PCNX2: variants seen among roughly 807,000 people sequenced by gnomAD.
PCNX2 encodes the protein pecanex-like protein 2.
PCNX2 carries 168 observed loss-of-function variants against 223.8 expected under a neutral mutation model. That is an observed-to-expected ratio of 0.75 (90% CI 0.66 to 0.85). The LOEUF is 0.85. PCNX2 is among the 40% of genes least tolerant of loss of function. PCNX2 has a pLI of 0.00. For synonymous variants in PCNX2, 1,006 were observed against 1,052.6 expected (o/e 0.96, Z 0.86); for missense variants, 2,507 against 2,675.5 (o/e 0.94, Z 1.39).
intron 20 of PCNX2, among the ~76,000 whole-genome samples, chr1:233,136,625 C>T (rs1162524637): frequency 4.6e-5 from 7 of 152,110 alleles, no homozygotes; most frequent in South Asian, 2.1e-4. Context: ...ACCTAGAGCC[C>T]CCTGTGTTCC....
chr1:233,308,182 C>T, the PCNX2 span, among the ~76,000 whole-genome samples: 3 of 152,210 alleles, frequency 2.0e-5, no homozygotes, highest in East Asian at 1.9e-4. Flanking sequence ...AGAAGCTGGG[C>T]GTAGTGGCTC....
At chr1:233,164,838 A>G (rs933687707) in intron 17 of PCNX2, among the ~76,000 whole-genome samples, 8 of 152,090 alleles carry the variant, frequency 5.3e-5, no homozygotes, top group African/African-American at 1.7e-4. Flanking sequence ...CCAATCTCAT[A>G]GAAGTACAGA....
intron 19 of PCNX2, among the ~76,000 whole-genome samples, chr1:233,155,037 C>T (rs1328816100): frequency 6.9e-6 from 1 of 145,100 alleles, no homozygotes; most frequent in African/African-American, 2.6e-5. Flanking sequence ...CACTGCATTC[C>T]AGCCTGGGCA....
chr1:233,147,894 T>C (rs906411974), intron 19 of PCNX2, among the ~76,000 whole-genome samples: 1 of 152,192 alleles, frequency 6.6e-6, no homozygotes, highest in Admixed American at 6.5e-5. Flanking sequence ...CGTTGGACTT[T>C]TGAAGGGAAA....
chr1:233,140,831 G>A (rs543570937), intron 19 of PCNX2, among the ~76,000 whole-genome samples: 10 of 152,282 alleles, frequency 6.6e-5, no homozygotes, highest in African/African-American at 2.4e-4. Context: ...TTCAGGCCCA[G>A]GGCCCTCGGC....
intron 25 of PCNX2, chr1:233,031,968 C>G (rs1671283731): frequency 1.0e-6 from 1 of 985,236 alleles, no homozygotes; most frequent in Non-Finnish European, 1.2e-6. Flanking sequence ...GATTGCAAAC[C>G]CTAGGCTCCA....
In PCNX2 at chr1:233,082,124, C is replaced by G. The variant is rs570388188; in HGVS notation, c.4076+7937G>C. Among the ~76,000 whole-genome samples the G allele has an allele frequency of 5.3e-5, 8 of 152,210 alleles. No individual in the cohort carries two copies. In the East Asian group the frequency reaches 1.5e-3, roughly 29 times the overall value. ...CTCAGCTGCTCACTTGTTCTGTGAC[C>G]TTGGGCAAGTTCTTTAACTTCCTTG... On this transcript the variant is annotated intron_variant, in intron 23 of 33. Transcript: ENST00000258229.
At chr1:233,216,200 C>T (rs994602156) in intron 12 of PCNX2, among the ~76,000 whole-genome samples, 1 of 152,272 alleles carries the variant, frequency 6.6e-6, no homozygotes, top group East Asian at 1.9e-4. Context: ...GCATGTGGCT[C>T]AGATGCCTGC....
At chr1:233,146,546 A>ACATCAACAGT (rs1677459664) in intron 19 of PCNX2, among the ~76,000 whole-genome samples, 4 of 152,228 alleles carry the variant, frequency 2.6e-5, no homozygotes, top group Non-Finnish European at 5.9e-5. Context: ...CAACAGTGTC[A>ACATCAACAGT]GATTGAGGCC....
At chr1:233,194,494 T>C (rs1680606227) in intron 15 of PCNX2, among the ~76,000 whole-genome samples, 1 of 152,116 alleles carries the variant, frequency 6.6e-6, no homozygotes, top group Admixed American at 6.6e-5. Context: ...GTAAAGGAAA[T>C]ATAATTTTAA....
chr1:233,115,830 A>C (rs1015329290), intron 21 of PCNX2, among the ~76,000 whole-genome samples: 2 of 152,258 alleles, frequency 1.3e-5, no homozygotes, highest in Non-Finnish European at 2.9e-5. Flanking sequence ...TGATTACATT[A>C]AATGAAATGG....
chr1:233,153,106 TAGC>T lies in PCNX2; in HGVS notation c.3517+7174_3517+7176del, dbSNP rs1677916027. 2.6e-5 allele frequency among the ~76,000 whole-genome samples: 4 copies of T among 152,310 alleles called. 1 individual carries two copies. The highest frequency in any genetic ancestry group is 7.2e-5 in the African/African-American group (3 of 41,564). ...AAGAGTCAAAAAACCTCAGACTTTC[TAGC>T]AGCAGCAGTGGATGCTGGAAGACAA... On this transcript the variant is annotated intron_variant, in intron 19 of 33. Transcript: ENST00000258229.
At chr1:233,191,609 C>T (rs1248775868) in intron 15 of PCNX2, among the ~76,000 whole-genome samples, 1 of 152,054 alleles carries the variant, frequency 6.6e-6, no homozygotes, top group Non-Finnish European at 1.5e-5. Flanking sequence ...TTATGCCAGA[C>T]CTTATATTAT....
chr1:233,267,925 T>C (rs1485887342), intron 1 of PCNX2, among the ~76,000 whole-genome samples: 1 of 152,160 alleles, frequency 6.6e-6, no homozygotes, highest in Non-Finnish European at 1.5e-5. Context: ...TGTTTAGTTT[T>C]TTTTTTAAGA....
At chr1:233,313,676 A>C in the PCNX2 span, among the ~76,000 whole-genome samples, 1 of 148,942 alleles carries the variant, frequency 6.7e-6, no homozygotes, top group Non-Finnish European at 1.5e-5. Context: ...TGACCAAGAC[A>C]TATAAGTTAG....
chr1:233,280,681 C>T (rs1340771630), intron 1 of PCNX2, among the ~76,000 whole-genome samples: 14 of 152,136 alleles, frequency 9.2e-5, no homozygotes, highest in Admixed American at 8.5e-4. Context: ...GTCTTATTCT[C>T]CATTACACCC....
chr1:233,207,206 G>A (rs187081196), intron 13 of PCNX2, among the ~76,000 whole-genome samples: 2 of 152,072 alleles, frequency 1.3e-5, no homozygotes, highest in African/African-American at 4.8e-5. Flanking sequence ...TGCCTACCAG[G>A]GTTTTCACCT....
rs767363309 is a variant in PCNX2 at position 233,179,170 on chromosome 1, C to T, written c.3072G>A (p.Pro1024=). ...GTGCCGGGATGTGTTGCATGCTCCA[C>T]GGTTCCTAAAGAAAAGACATCAGTT... ...HAVCFSAVKE[P]WSMQHIPALF... is the part of the protein sequence containing the mutation. Residue 1024 remains proline, a synonymous_variant, in exon 16 of 34, where the codon CCG becomes CCA. Transcript: ENST00000258229. The T allele has an allele frequency of 2.5e-5, 40 of 1,613,466 alleles. No homozygotes were observed. The highest frequency in any genetic ancestry group is 1.6e-4 in the Middle Eastern group (1 of 6,084).
chr1:233,015,791 T>C (rs1160961734), intron 27 of PCNX2, among the ~76,000 whole-genome samples: 3 of 152,102 alleles, frequency 2.0e-5, no homozygotes, highest in Non-Finnish European at 4.4e-5. Context: ...GGAGGATCAC[T>C]TGATCCTAGG....
Sources: allele counts gnomAD v4.1 joint callset (sites outside exome capture counted in the v4.1 genomes callset), GRCh38; gene constraint gnomAD v4.1.1; transcripts MANE v1.5; gene names NCBI Gene and HGNC (gene_info 2026-07-23, HGNC 2026-07-21).